Variants in DNM3 observed in about 807,000 individuals in gnomAD.
DNM3 encodes dynamin-3.
Under a neutral mutation model 101.6 loss-of-function variants are expected in DNM3, and 47 were observed. The observed-to-expected ratio is 0.46, with a 90% CI of 0.37 to 0.59. The LOEUF (loss-of-function observed/expected upper bound fraction) is 0.59. Among genes scored for constraint, DNM3 ranks in the 20% least tolerant of loss-of-function variants. The pLI, the probability that DNM3 is intolerant of heterozygous loss-of-function variation, is 0.00. For synonymous variants in DNM3, 385 were observed against 387.9 expected, an observed-to-expected ratio of 0.99 and a Z score of 0.09; for missense variants, 849 against 1,085.7, an observed-to-expected ratio of 0.78 and a Z score of 3.06.
At chr1:171,904,153 G>GAAA (rs35034472) in intron 1 of DNM3, among the ~76,000 whole-genome samples, 2 of 135,436 alleles carry the variant, frequency 1.5e-5, no homozygotes, top group Non-Finnish European at 3.2e-5. Context: ...TCAAAAAATA[G>GAAA]AAAAAAAAAA....
chr1:172,193,333 T>C (rs567693582), intron 14 of DNM3, among the ~76,000 whole-genome samples: 1 of 152,252 alleles, frequency 6.6e-6, no homozygotes, highest in East Asian at 1.9e-4. Context: ...TATTTTGTTG[T>C]GTCCCTGCCA....
At chr1:172,323,400 T>G (rs1239745785) in intron 17 of DNM3, 60 bp downstream of exon 17, 1 of 1,567,392 alleles carries the variant, frequency 6.4e-7, no homozygotes, top group African/African-American at 1.4e-5. Flanking sequence ...CGCTCCTGCA[T>G]GTCTTGACAA....
intron 15 of DNM3, among the ~76,000 whole-genome samples, chr1:172,267,877 TA>T (rs2062929060): frequency 6.6e-6 from 1 of 152,234 alleles, no homozygotes; most frequent in South Asian, 2.1e-4. Flanking sequence ...CAAGCCCAGC[TA>T]ATTTTTTGTA....
chr1:172,074,303 C>T (rs895048586), intron 11 of DNM3, among the ~76,000 whole-genome samples: 2 of 151,672 alleles, frequency 1.3e-5, no homozygotes, highest in Non-Finnish European at 2.9e-5. Flanking sequence ...AAAGATCTGA[C>T]ATTATTATTA....
chr1:172,215,966 A>G (rs1366143663), intron 14 of DNM3, among the ~76,000 whole-genome samples: 1 of 150,848 alleles, frequency 6.6e-6, no homozygotes, highest in Non-Finnish European at 1.5e-5. Context: ...TCTTTAAAAA[A>G]AAAAGAAAGA....
At chr1:172,246,224 G>T (rs184281699) in intron 14 of DNM3, among the ~76,000 whole-genome samples, 9 of 152,232 alleles carry the variant, frequency 5.9e-5, no homozygotes, top group Admixed American at 4.6e-4. Flanking sequence ...GGGAGACAGA[G>T]CCAAACCCTA....
intron 15 of DNM3, among the ~76,000 whole-genome samples, chr1:172,263,153 C>A (rs949261222): frequency 6.6e-6 from 1 of 152,084 alleles, no homozygotes; most frequent in African/African-American, 2.4e-5. Flanking sequence ...TTCCTGATTT[C>A]TTCTAGGGGT....
chr1:172,164,077 C>G (rs1239909659), intron 14 of DNM3, among the ~76,000 whole-genome samples: 1 of 151,730 alleles, frequency 6.6e-6, no homozygotes, highest in East Asian at 1.9e-4. Flanking sequence ...GGGGTTGAGA[C>G]TTTATAATGA....
intron 4 of DNM3, among the ~76,000 whole-genome samples, chr1:172,007,830 A>G (rs993358003): frequency 6.6e-6 from 1 of 152,104 alleles, no homozygotes; most frequent in African/African-American, 2.4e-5. Flanking sequence ...CAGTGATGCA[A>G]TCATGGCTCA....
intron 1 of DNM3, among the ~76,000 whole-genome samples, chr1:171,846,589 C>A (rs1465974808): frequency 1.3e-5 from 2 of 152,016 alleles, no homozygotes; most frequent in Non-Finnish European, 2.9e-5. Flanking sequence ...TTATTATTGT[C>A]ATTTATTTTA....
chr1:172,417,379 C>G (rs1328864485), downstream of DNM3, among the ~76,000 whole-genome samples: 1 of 152,172 alleles, frequency 6.6e-6, no homozygotes, highest in East Asian at 1.9e-4. Flanking sequence ...ACTGTATTTT[C>G]TCTAGCTGCA....
chr1:171,987,668 T>C lies in DNM3; in HGVS notation c.248T>C (p.Phe83Ser). The part of the protein sequence containing the change: ...LVTSKAEYAE[F>S]LHCKGKKFTD... ...TTTATTTTTGTAGAATATGCCGAGT[T>C]TCTACATTGCAAAGGAAAGAAATTT... The change falls in exon 3 of 21, where the codon TTT becomes TCT. Residue 83 changes from phenylalanine to serine, a missense_variant. Coordinates refer to ENST00000627582, the MANE Select transcript of DNM3 (RefSeq NM_015569.5). The C allele has an allele frequency of 6.3e-7, 1 of 1,581,266 alleles. No homozygotes were observed. The highest frequency in any genetic ancestry group is 8.6e-7 in the Non-Finnish European group (1 of 1,167,326).
intron 2 of DNM3, among the ~76,000 whole-genome samples, chr1:171,929,785 C>T (rs1171848222): frequency 3.3e-5 from 5 of 152,084 alleles, no homozygotes; most frequent in South Asian, 2.1e-4. Flanking sequence ...TGGGAGGTCC[C>T]GCCTAGTGAG....
intron 14 of DNM3, among the ~76,000 whole-genome samples, chr1:172,198,618 G>A (rs116494152): frequency 2.0e-5 from 3 of 151,798 alleles, no homozygotes; most frequent in Non-Finnish European, 2.9e-5. Context: ...TCGGAGAATC[G>A]ATTTCTTCCT....
intron 4 of DNM3, among the ~76,000 whole-genome samples, chr1:172,003,769 G>C (rs1192225351): frequency 6.6e-6 from 1 of 151,828 alleles, no homozygotes; most frequent in Non-Finnish European, 1.5e-5. Context: ...TAAGTGGGGA[G>C]CAAGGCTATC....
At chr1:171,886,794 A>G (rs2036816372) in intron 1 of DNM3, among the ~76,000 whole-genome samples, 1 of 152,190 alleles carries the variant, frequency 6.6e-6, no homozygotes, top group African/African-American at 2.4e-5. Flanking sequence ...TTTATAAGGC[A>G]TTTGATTAAT....
chr1:172,325,268 C>A (rs188018979), intron 17 of DNM3, among the ~76,000 whole-genome samples: 3 of 152,224 alleles, frequency 2.0e-5, no homozygotes, highest in Admixed American at 1.3e-4. Context: ...CCTCGGTCAC[C>A]AACTGTATCT....
chr1:172,406,035 T>A (rs2070857623), intron 20 of DNM3, among the ~76,000 whole-genome samples: 1 of 151,878 alleles, frequency 6.6e-6, no homozygotes, highest in Non-Finnish European at 1.5e-5. Context: ...AGTGACTGAA[T>A]GACAAGCAGT....
chr1:171,936,688 C>T (rs1481976056), intron 2 of DNM3, among the ~76,000 whole-genome samples: 1 of 152,030 alleles, frequency 6.6e-6, no homozygotes, highest in Non-Finnish European at 1.5e-5. Context: ...GTATCTATTA[C>T]ATAATGTAAA....
Sources: gnomAD v4.1 joint callset for allele counts (sites outside exome capture counted in the v4.1 genomes callset) on GRCh38, gnomAD v4.1.1 for gene constraint, MANE v1.5 for transcripts, NCBI Gene and HGNC (gene_info 2026-07-23, HGNC 2026-07-21) for gene names.